ZNF385D: variants seen among roughly 807,000 people sequenced by gnomAD.
ZNF385D encodes zinc finger protein 385D.
In ZNF385D, 15 loss-of-function variants were observed where a neutral mutation model predicts 35.8. The ratio of observed to expected loss-of-function variants is 0.42; its 90% CI spans 0.28 to 0.64. ZNF385D has a LOEUF of 0.64. Ranked by LOEUF, ZNF385D falls within the 30% of genes least tolerant of loss-of-function variation. ZNF385D has a pLI of 0.23. For missense variants in ZNF385D, 474 were observed against 494.6 expected (o/e 0.96, Z 0.39); for synonymous variants, 212 against 186.8 (o/e 1.13, Z -1.10).
At chr3:22,345,596 T>G (rs1695622177) in intron 2 of ZNF385D, among the ~76,000 whole-genome samples, 1 of 152,170 alleles carries the variant, frequency 6.6e-6, no homozygotes, top group African/African-American at 2.4e-5. Flanking sequence ...ACGAAGTAAA[T>G]AGATGCTTAA....
At chr3:21,529,347 G>A (rs1010099906) in intron 3 of ZNF385D, among the ~76,000 whole-genome samples, 2 of 152,114 alleles carry the variant, frequency 1.3e-5, no homozygotes, top group Non-Finnish European at 1.5e-5. Context: ...ACTTGCAAAT[G>A]ATTGATGAAA....
chr3:22,030,286 T>TCCTATACAAATAACAAATAGG (rs1243486519), intron 3 of ZNF385D, among the ~76,000 whole-genome samples: 20 of 100,272 alleles, frequency 2.0e-4, no homozygotes, highest in African/African-American at 7.3e-4. Flanking sequence ...TATATATATA[T>TCCTATACAAATAACAAATAGG]ATATATATAT....
intron 2 of ZNF385D, among the ~76,000 whole-genome samples, chr3:21,595,707 A>G (rs1432272565): frequency 6.6e-6 from 1 of 151,052 alleles, no homozygotes; most frequent in Non-Finnish European, 1.5e-5. Flanking sequence ...ATCATGGAAT[A>G]CATTGTTTTC....
At chr3:22,210,330 T>A (rs912821537) in intron 2 of ZNF385D, among the ~76,000 whole-genome samples, 4 of 151,830 alleles carry the variant, frequency 2.6e-5, no homozygotes, top group Non-Finnish European at 5.9e-5. Flanking sequence ...AATAATAAAA[T>A]TTGAATGGTG....
At chr3:21,931,160 T>C (rs758301937) in intron 3 of ZNF385D, among the ~76,000 whole-genome samples, 5 of 152,144 alleles carry the variant, frequency 3.3e-5, no homozygotes, top group Non-Finnish European at 7.4e-5. Flanking sequence ...TTGAAAAATA[T>C]ACAAATGTCT....
At position 21,427,517 on chromosome 3, in the gene ZNF385D, T is replaced by C. The variant is rs925072447; in HGVS notation, c.674-1847A>G. On this transcript the variant is annotated intron_variant, in intron 5 of 7. Coordinates refer to ENST00000281523, the MANE Select transcript of ZNF385D (RefSeq NM_024697.3). ...TTCAATAATACTTAAGTAGTTTATG[T>C]TGATTGGGAAGAGAAAAAAGCCAGA... 2.0e-5 allele frequency among the ~76,000 whole-genome samples: 3 copies of C among 152,146 alleles called. No individual in the cohort carries two copies. In the East Asian group the frequency reaches 5.8e-4, roughly 29 times the overall value.
chr3:21,657,911 C>T (rs961365132), intron 2 of ZNF385D, among the ~76,000 whole-genome samples: 3 of 151,706 alleles, frequency 2.0e-5, no homozygotes, highest in Non-Finnish European at 4.4e-5. Context: ...AAATACAGAG[C>T]CAGAGAAGAG....
intron 3 of ZNF385D, among the ~76,000 whole-genome samples, chr3:21,993,409 C>G (rs1296736752): frequency 2.6e-5 from 4 of 152,078 alleles, no homozygotes; most frequent in African/African-American, 7.2e-5. Context: ...TCTCTCTGGT[C>G]TCTCCTAAAT....
At chr3:21,689,435 C>T (rs568674357) in intron 1 of ZNF385D, among the ~76,000 whole-genome samples, 6 of 152,242 alleles carry the variant, frequency 3.9e-5, no homozygotes, top group African/African-American at 1.4e-4. Context: ...AAAGAACCTG[C>T]AGATTGATTG....
At chr3:21,738,295 T>G (rs939529251) in intron 1 of ZNF385D, among the ~76,000 whole-genome samples, 2 of 152,246 alleles carry the variant, frequency 1.3e-5, no homozygotes, top group Non-Finnish European at 2.9e-5. Flanking sequence ...GTCTGTGTTA[T>G]GCAGCCAGAC....
chr3:22,351,012 G>A (rs1469086754), intron 2 of ZNF385D, among the ~76,000 whole-genome samples: 1 of 151,960 alleles, frequency 6.6e-6, no homozygotes, highest in Non-Finnish European at 1.5e-5. Flanking sequence ...CAATAGACCC[G>A]CTTCCCCTGG....
intron 2 of ZNF385D, among the ~76,000 whole-genome samples, chr3:21,639,273 G>A (rs547618111): frequency 7.2e-5 from 11 of 151,740 alleles, no homozygotes; most frequent in South Asian, 2.1e-4. Context: ...TATTTATTAT[G>A]TGACTCCCTC....
At position 21,412,891 on chromosome 3, in the gene ZNF385D, G is replaced by C. The variant is rs1396388663; in HGVS notation, c.*8323C>G. 4 of 151,988 alleles carry C rather than the reference G, an allele frequency of 2.6e-5. No homozygotes were observed. Among genetic ancestry groups the C allele is most frequent in the African/African-American group, 9.7e-5 (4 of 41,382 alleles). 9.4% of individuals were successfully genotyped at this position (151,988 alleles called of 1,614,324 possible). ...GGAAGCAGCTTCATTTTATAGTGGG[G>C]GAAATTATTGGCATATGGGGGATTT... On this transcript the variant is annotated 3_prime_UTR_variant, in exon 8 of 8. Transcript: ENST00000281523.
upstream of ZNF385D, among the ~76,000 whole-genome samples, chr3:21,753,681 T>C (rs977298664): frequency 2.6e-5 from 4 of 152,268 alleles, no homozygotes; most frequent in Admixed American, 6.5e-5. Context: ...ACAAGTGATG[T>C]TTGTTTTAAT....
At chr3:21,570,238 TTTC>T (rs1353342958) in intron 2 of ZNF385D, among the ~76,000 whole-genome samples, 1 of 152,194 alleles carries the variant, frequency 6.6e-6, no homozygotes, top group African/African-American at 2.4e-5. Context: ...TGAATATGTT[TTTC>T]TTCATTTCAG....
chr3:21,512,611 A>G (rs1209024087), intron 3 of ZNF385D, among the ~76,000 whole-genome samples: 1 of 152,236 alleles, frequency 6.6e-6, no homozygotes, highest in Non-Finnish European at 1.5e-5. Flanking sequence ...TTGAACAGAG[A>G]GCACACTCAT....
chr3:21,536,732 C>T (rs370708168), intron 3 of ZNF385D, among the ~76,000 whole-genome samples: 3 of 152,086 alleles, frequency 2.0e-5, no homozygotes, highest in Non-Finnish European at 2.9e-5. Context: ...AATATTAAAA[C>T]GCAATTAGTG....
intron 2 of ZNF385D, among the ~76,000 whole-genome samples, chr3:22,325,353 C>CAA (rs1694627586): frequency 6.6e-6 from 1 of 152,138 alleles, no homozygotes; most frequent in Non-Finnish European, 1.5e-5. Flanking sequence ...GCAGGTGGTA[C>CAA]AAACCCTGTA....
chr3:21,811,529 T>C (rs1025291834), intron 3 of ZNF385D, among the ~76,000 whole-genome samples: 1 of 152,156 alleles, frequency 6.6e-6, no homozygotes, highest in Non-Finnish European at 1.5e-5. Context: ...TTCATAATGA[T>C]AGTAAAAAAA....
Sources: allele counts gnomAD v4.1 joint callset (sites outside exome capture counted in the v4.1 genomes callset), GRCh38; gene constraint gnomAD v4.1.1; transcripts MANE v1.5; gene names NCBI Gene and HGNC (gene_info 2026-07-23, HGNC 2026-07-21).